The following IGSF11 variants were observed in gnomAD, a reference collection of about 807,000 sequenced individuals.
IGSF11 encodes immunoglobulin superfamily member 11.
In IGSF11, 22 loss-of-function variants were observed where a neutral mutation model predicts 41.0. The observed-to-expected ratio is 0.54, with a 90% CI of 0.38 to 0.77. The LOEUF is 0.77. Ranked by LOEUF, IGSF11 falls within the 30% of genes least tolerant of loss-of-function variation. The probability of loss-of-function intolerance (pLI) is 0.00; values close to 1 mark genes in which losing one functional copy is unlikely to be tolerated. For missense variants in IGSF11, 444 were observed against 530.8 expected, an observed-to-expected ratio of 0.84 and a Z score of 1.61; for synonymous variants, 219 against 201.3, an observed-to-expected ratio of 1.09 and a Z score of -0.74.
intron 1 of IGSF11, among the ~76,000 whole-genome samples, chr3:118,941,502 C>G (rs1266338497): frequency 2.6e-5 from 4 of 152,142 alleles, no homozygotes; most frequent in Non-Finnish European, 5.9e-5. Flanking sequence ...ACAACTAACT[C>G]TCATACATTT....
At chr3:118,984,735 T>C (rs964856325) in intron 1 of IGSF11, among the ~76,000 whole-genome samples, 3 of 152,150 alleles carry the variant, frequency 2.0e-5, no homozygotes, top group Non-Finnish European at 4.4e-5. Context: ...CATCCAAGAA[T>C]ATGATTTCCT....
chr3:119,018,645 G>C (rs1400345680), intron 1 of IGSF11, among the ~76,000 whole-genome samples: 4 of 152,128 alleles, frequency 2.6e-5, no homozygotes, highest in African/African-American at 9.7e-5. Context: ...CTTGGAAATA[G>C]GACTAATACT....
chr3:119,056,249 G>A (rs747918477), intron 1 of IGSF11, among the ~76,000 whole-genome samples: 3 of 151,890 alleles, frequency 2.0e-5, no homozygotes, highest in Non-Finnish European at 4.4e-5. Context: ...AAGAAAGAGA[G>A]AAGAATCAAA....
chr3:118,960,210 TC>T (rs1945250595), intron 1 of IGSF11, among the ~76,000 whole-genome samples: 1 of 152,256 alleles, frequency 6.6e-6, no homozygotes, highest in East Asian at 1.9e-4. Flanking sequence ...GCCCAGTAAT[TC>T]CATTTCAAAG....
chr3:119,034,462 A>G (rs1940735009), intron 1 of IGSF11, 69 bp downstream of exon 1: 9 of 1,392,662 alleles, frequency 6.5e-6, no homozygotes, highest in Non-Finnish European at 7.6e-6. Flanking sequence ...TGCCGTCCCC[A>G]AACAGCTTCG....
chr3:118,999,462 T>G (rs141748149), intron 1 of IGSF11, among the ~76,000 whole-genome samples: 6 of 152,216 alleles, frequency 3.9e-5, no homozygotes, highest in Non-Finnish European at 5.9e-5. Flanking sequence ...AATTCTAGAG[T>G]TAATTTCATC....
intron 1 of IGSF11, among the ~76,000 whole-genome samples, chr3:119,097,827 G>A (rs1196978293): frequency 3.3e-5 from 5 of 151,902 alleles, no homozygotes; most frequent in Non-Finnish European, 7.4e-5. Context: ...GTCTTGCTCT[G>A]TCACCCAGGC....
rs139650166 is a variant in IGSF11 at position 119,095,712 on chromosome 3, A to G, written c.49+9432T>C. 7.2e-5 allele frequency among the ~76,000 whole-genome samples: 11 copies of G among 152,318 alleles called. No homozygotes were observed. In the East Asian group the frequency reaches 1.9e-3, roughly 27 times the overall value. On this transcript the variant is annotated intron_variant, in intron 1 of 6. Coordinates refer to the IGSF11 transcript ENST00000354673. ...AACATTGAGTTAGAGACCATGGCCTACACATGCAGTAGGTTGCTTTACAGG... is the reference window on the plus strand; with the variant it reads ...AACATTGAGTTAGAGACCATGGCCTGCACATGCAGTAGGTTGCTTTACAGG...
chr3:118,967,678 A>G (rs1945777102), intron 1 of IGSF11, among the ~76,000 whole-genome samples: 1 of 151,906 alleles, frequency 6.6e-6, no homozygotes, highest in African/African-American at 2.4e-5. Flanking sequence ...ATAAAGGACC[A>G]CCCTTTCCTG....
intron 1 of IGSF11, among the ~76,000 whole-genome samples, chr3:119,040,464 T>A (rs1458220362): frequency 6.6e-6 from 1 of 152,188 alleles, no homozygotes; most frequent in African/African-American, 2.4e-5. Context: ...AATTCCCCTG[T>A]CTTGATGAAT....
In IGSF11 at chr3:119,115,221, A is replaced by G. The variant is rs1480233736; in HGVS notation, c.-13-10016T>C. On this transcript the variant is annotated intron_variant, in intron 1 of 7. Transcript: ENST00000425327. ...CTGCAATAAACATGAAAGTGCAGCT[A>G]TCTCTTTGATACATTGGGTTTCCTT... 2.6e-5 allele frequency among the ~76,000 whole-genome samples: 4 copies of G among 152,340 alleles called. No individual in the cohort carries two copies. In the East Asian group the frequency reaches 7.7e-4, roughly 29 times the overall value.
chr3:119,122,371 A>C (rs2077345312), intron 1 of IGSF11, among the ~76,000 whole-genome samples: 1 of 152,260 alleles, frequency 6.6e-6, no homozygotes. Flanking sequence ...GGCCCTAGCC[A>C]GAGGGAAATT....
At chr3:119,028,899 CA>C (rs1367659041) in intron 1 of IGSF11, among the ~76,000 whole-genome samples, 1 of 151,868 alleles carries the variant, frequency 6.6e-6, no homozygotes, top group Non-Finnish European at 1.5e-5. Context: ...GTACCAACAC[CA>C]ATTTCCTGGT....
intron 4 of IGSF11, among the ~76,000 whole-genome samples, chr3:118,922,269 T>C (rs1334913239): frequency 1.3e-5 from 2 of 152,194 alleles, no homozygotes; most frequent in African/African-American, 4.8e-5. Context: ...TGTTTTTCTT[T>C]CTTCCCCAGC....
At chr3:118,966,627 G>C (rs1201867963) in intron 1 of IGSF11, among the ~76,000 whole-genome samples, 1 of 152,088 alleles carries the variant, frequency 6.6e-6, no homozygotes, top group Non-Finnish European at 1.5e-5. Flanking sequence ...CAATTATAAG[G>C]ATCGCCAGGT....
At chr3:119,142,275 A>G (rs2077659568) in intron 1 of IGSF11, among the ~76,000 whole-genome samples, 1 of 9,692 alleles carries the variant, frequency 1.0e-4, no homozygotes, top group South Asian at 2.5e-3. Context: ...ACTCCATCTC[A>G]AAAAAAAAAA....
upstream of IGSF11, among the ~76,000 whole-genome samples, chr3:119,109,818 T>A (rs1241988636): frequency 6.6e-6 from 1 of 152,224 alleles, no homozygotes; most frequent in African/African-American, 2.4e-5. Flanking sequence ...TCAAAGAACA[T>A]CTTTATTTCT....
At chr3:118,999,294 A>T (rs1033030076) in intron 1 of IGSF11, among the ~76,000 whole-genome samples, 3 of 152,108 alleles carry the variant, frequency 2.0e-5, no homozygotes, top group South Asian at 2.1e-4. Flanking sequence ...CATGTATAAG[A>T]GTACTTGAAA....
At chr3:119,073,983 T>C (rs2076449101) in intron 1 of IGSF11, among the ~76,000 whole-genome samples, 1 of 152,196 alleles carries the variant, frequency 6.6e-6, no homozygotes, top group Non-Finnish European at 1.5e-5. Context: ...TAAATATATA[T>C]GGACCCAACA....
Sources: gnomAD v4.1 joint callset for allele counts (sites outside exome capture counted in the v4.1 genomes callset) on GRCh38, gnomAD v4.1.1 for gene constraint, MANE v1.5 for transcripts, NCBI Gene and HGNC (gene_info 2026-07-23, HGNC 2026-07-21) for gene names.